LRRC8A: variants seen among roughly 807,000 people sequenced by gnomAD.
LRRC8A encodes the protein leucine rich repeat containing 8 VRAC subunit A, also known as volume-regulated anion channel subunit LRRC8A.
In LRRC8A, 24 loss-of-function variants were observed where a neutral mutation model predicts 52.5. The observed-to-expected ratio is 0.46, with a 90% confidence interval of 0.33 to 0.64. LRRC8A has a LOEUF of 0.64. LRRC8A is among the 30% of genes least tolerant of loss of function. The pLI is 0.02. For synonymous variants in LRRC8A, 492 were observed against 494.2 expected (o/e 1.00, Z 0.06); for missense variants, 677 against 1,094.7 (o/e 0.62, Z 5.38).
rs1319471545 is a variant in LRRC8A at position 128,908,295 on chromosome 9, C to T, written c.1131C>T (p.His377=). 8.7e-6 allele frequency: 14 copies of T among 1,614,168 alleles called. No individual in the cohort carries two copies. Among genetic ancestry groups the T allele is most frequent in the Non-Finnish European group, 1.1e-5 (13 of 1,180,032 alleles). ...DVKNDFAFML[H]LIDQYDPLYS... ...AGAACGACTTCGCCTTCATGCTGCACCTCATTGACCAATACGACCCGCTCT... is the reference window on the plus strand; with the variant it reads ...AGAACGACTTCGCCTTCATGCTGCATCTCATTGACCAATACGACCCGCTCT... Residue 377 remains histidine, a synonymous_variant, in exon 3 of 4, where the codon CAC becomes CAT. Transcript: ENST00000372600.
chr9:128,900,091 C>A (rs924022242), intron 2 of LRRC8A, among the ~76,000 whole-genome samples: 1 of 152,188 alleles, frequency 6.6e-6, no homozygotes, highest in Non-Finnish European at 1.5e-5. Context: ...CTGGGCCCCT[C>A]CCTGTGGGGA....
chr9:128,883,615 C>A (rs948200315), intron 1 of LRRC8A, among the ~76,000 whole-genome samples: 2 of 152,194 alleles, frequency 1.3e-5, no homozygotes, highest in African/African-American at 4.8e-5. Flanking sequence ...TCCTTGTTTT[C>A]CTGGTCTCAG....
At chr9:128,913,063 T>A (rs2131052594) in intron 3 of LRRC8A, among the ~76,000 whole-genome samples, 1 of 151,842 alleles carries the variant, frequency 6.6e-6, no homozygotes, top group African/African-American at 2.4e-5. Context: ...GGCTCATGGG[T>A]GAAGATGGGT....
chr9:128,893,514 G>A (rs549957436), intron 2 of LRRC8A, among the ~76,000 whole-genome samples: 1 of 152,306 alleles, frequency 6.6e-6, no homozygotes, highest in African/African-American at 2.4e-5. Flanking sequence ...TGGGGTTGGC[G>A]TTTGAGTTGC....
rs371652202 is a variant in LRRC8A, at chr9:128,907,795, A to G, written c.631A>G (p.Met211Val). 23 of 1,613,914 alleles carry G rather than the reference A, an allele frequency of 1.4e-5. No homozygotes were observed. Among genetic ancestry groups the G allele is most frequent in the Non-Finnish European group, 1.8e-5 (21 of 1,179,992 alleles). Residue 211 changes from methionine to valine, a missense_variant, in exon 3 of 4, where the codon ATG becomes GTG. By Grantham distance (21) the Met-to-Val change is conservative. Transcript: ENST00000372600. The surrounding 1 kb of genome is among the most constrained non-coding windows in gnomAD (Gnocchi z 9.3). ...TGAGGACGTGGAGGCCACCGTGCCC[A>G]TGCTGCAGCGGACCAAGTCACGGAT... ...VSEDVEATVPMLQRTKSRIEQ... is the reference protein window; with the variant it reads ...VSEDVEATVPVLQRTKSRIEQ...
intron 2 of LRRC8A, among the ~76,000 whole-genome samples, chr9:128,897,151 G>A (rs80280782): frequency 0.048 from 7,324 of 152,128 alleles, 260 homozygotes; most frequent in Non-Finnish European, 0.064. Context: ...TGATCAATAC[G>A]TTACGTTTCC....
rs1449680055 is a variant in LRRC8A, at chr9:128,911,418, A to T, written c.2157+2097A>T. Among the ~76,000 whole-genome samples the T allele has an allele frequency of 6.6e-6, 1 of 152,210 alleles. No homozygotes were observed. The highest frequency in any genetic ancestry group is 2.4e-5 in the African/African-American group (1 of 41,446). ...CAGGCCCACTGAATAGGAAAACTGGAGTCCCCTGGGGAGAAGCCACATTTG... is the reference window on the plus strand; with the variant it reads ...CAGGCCCACTGAATAGGAAAACTGGTGTCCCCTGGGGAGAAGCCACATTTG... On this transcript the variant is annotated intron_variant, in intron 3 of 3. Coordinates refer to ENST00000372600, the MANE Select transcript of LRRC8A (RefSeq NM_019594.4). The surrounding 1 kb of genome is among the most constrained non-coding windows in gnomAD (Gnocchi z 4.9).
rs1241582463 is a variant in LRRC8A, at chr9:128,911,575, G to C, written c.2157+2254G>C. ...TCCTGCCATTCCTGCCCTGTCCCGG[G>C]TGCTGTGCTGGGGCTGTCCTCCTGG... On this transcript the variant is annotated intron_variant, in intron 3 of 3. Transcript: ENST00000372600. The surrounding 1 kb of genome is among the most constrained non-coding windows in gnomAD (Gnocchi z 4.9). Among the ~76,000 whole-genome samples, 1 of 152,122 alleles carries C rather than the reference G, an allele frequency of 6.6e-6. No homozygotes were observed. The highest frequency in any genetic ancestry group is 1.5e-5 in the Non-Finnish European group (1 of 68,010).
chr9:128,912,832 C>G (rs1840616453), intron 3 of LRRC8A: 1 of 152,276 alleles, frequency 6.6e-6, no homozygotes, highest in South Asian at 2.1e-4. Context: ...GATGGAGAGA[C>G]ATGGACGGAT....
At chr9:128,894,156 C>T (rs1446892139) in intron 2 of LRRC8A, among the ~76,000 whole-genome samples, 1 of 151,562 alleles carries the variant, frequency 6.6e-6, no homozygotes, top group Non-Finnish European at 1.5e-5. Flanking sequence ...GCTAGGATTA[C>T]AGGCGTGAGC....
At chr9:128,883,850 C>T (rs537719240) in intron 1 of LRRC8A, among the ~76,000 whole-genome samples, 107 of 152,040 alleles carry the variant, frequency 7.0e-4, no homozygotes, top group Non-Finnish European at 1.1e-3. Flanking sequence ...GCTGCGCACC[C>T]GTAATCCCAG....
At chr9:128,904,339 C>T (rs1302627343) in intron 2 of LRRC8A, among the ~76,000 whole-genome samples, 1 of 151,816 alleles carries the variant, frequency 6.6e-6, no homozygotes, top group Non-Finnish European at 1.5e-5. Flanking sequence ...GCCAACGTGG[C>T]GAAATTCCGT....
At chr9:128,883,112 C>T (rs1376001405) in intron 1 of LRRC8A, among the ~76,000 whole-genome samples, 13 of 152,098 alleles carry the variant, frequency 8.5e-5, no homozygotes, top group Non-Finnish European at 1.5e-5. Flanking sequence ...GTCTGGTAGC[C>T]GCCTCCTGAT....
At chr9:128,905,170 C>A (rs1840195884) in intron 2 of LRRC8A, among the ~76,000 whole-genome samples, 1 of 152,138 alleles carries the variant, frequency 6.6e-6, no homozygotes, top group African/African-American at 2.4e-5. Context: ...AAGATCCAAT[C>A]TCTTACAAGA....
chr9:128,903,247 TC>T (rs1447109758), intron 2 of LRRC8A, among the ~76,000 whole-genome samples: 4 of 152,042 alleles, frequency 2.6e-5, no homozygotes, highest in Admixed American at 2.6e-4. Flanking sequence ...CTGGCACACT[TC>T]CAGGCCCTCA....
chr9:128,911,066 A>C lies in LRRC8A; in HGVS notation c.2157+1745A>C, dbSNP rs1840500111. Among the ~76,000 whole-genome samples the C allele has an allele frequency of 6.6e-6, 1 of 151,898 alleles. No individual in the cohort carries two copies. The highest frequency in any genetic ancestry group is 1.5e-5 in the Non-Finnish European group (1 of 67,966). On this transcript the variant is annotated intron_variant, in intron 3 of 3. Transcript: ENST00000372600. This position sits in a 1 kb window ranked among gnomAD's most constrained non-coding sequence, Gnocchi z 4.9. ...CTATAGCATCCTCAGGCACGGAGGGAGGTGGCCCCTGGAATGCCCGGTCTG... is the reference window on the plus strand; with the variant it reads ...CTATAGCATCCTCAGGCACGGAGGGCGGTGGCCCCTGGAATGCCCGGTCTG...
At chr9:128,894,567 TG>T (rs1839750904) in intron 2 of LRRC8A, among the ~76,000 whole-genome samples, 1 of 151,088 alleles carries the variant, frequency 6.6e-6, no homozygotes, top group Non-Finnish European at 1.5e-5. Context: ...CCAAGGCAGG[TG>T]AATCACTTGA....
intron 2 of LRRC8A, among the ~76,000 whole-genome samples, chr9:128,900,769 C>T (rs562801981): frequency 2.9e-4 from 44 of 152,172 alleles, no homozygotes; most frequent in African/African-American, 1.0e-3. Context: ...AGCTCATGCC[C>T]GTAGTCCCAG....
At chr9:128,893,020 G>A (rs529819930) in intron 2 of LRRC8A, among the ~76,000 whole-genome samples, 3 of 152,270 alleles carry the variant, frequency 2.0e-5, no homozygotes, top group South Asian at 2.1e-4. Flanking sequence ...GTGCGTGCTG[G>A]GGGGGTCTCT....
Sources: gnomAD v4.1 joint callset for allele counts (sites outside exome capture counted in the v4.1 genomes callset) on GRCh38, gnomAD v4.1.1 for gene constraint, Gnocchi (gnomAD v3.1) non-coding constraint, MANE v1.5 for transcripts, NCBI Gene and HGNC (gene_info 2026-07-23, HGNC 2026-07-21) for gene names.